The following PDSS2 variants were observed in gnomAD, a reference collection of about 807,000 sequenced individuals.
The protein encoded by PDSS2 is all trans-polyprenyl-diphosphate synthase PDSS2.
Under a neutral mutation model 44.5 loss-of-function variants are expected in PDSS2, and 31 were observed. The ratio of observed to expected loss-of-function variants is 0.70; its 90% CI spans 0.52 to 0.94. PDSS2 has a LOEUF of 0.94. PDSS2 is among the 40% of genes least tolerant of loss of function. PDSS2 has a pLI of 0.00. For missense variants in PDSS2, 452 were observed against 482.2 expected, an observed-to-expected ratio of 0.94 and a Z score of 0.59; for synonymous variants, 157 against 180.3, an observed-to-expected ratio of 0.87 and a Z score of 1.03.
intron 7 of PDSS2, among the ~76,000 whole-genome samples, chr6:107,193,001 G>C (rs548943521): frequency 1.3e-5 from 2 of 152,226 alleles, no homozygotes; most frequent in South Asian, 2.1e-4. Context: ...TCACATCCTG[G>C]ATATTCCTGA....
intron 6 of PDSS2, among the ~76,000 whole-genome samples, chr6:107,207,978 G>T (rs376103833): frequency 4.1e-3 from 276 of 67,478 alleles, no homozygotes; most frequent in African/African-American, 0.012. Flanking sequence ...TCTATGACTT[G>T]TTTTTTTTTT....
intron 1 of PDSS2, among the ~76,000 whole-genome samples, chr6:107,452,947 G>A (rs750531432): frequency 3.0e-4 from 46 of 152,176 alleles, no homozygotes; most frequent in Non-Finnish European, 5.7e-4. Flanking sequence ...TTACAGGCGT[G>A]AGCCACCACG....
rs1777381508 is a variant in PDSS2, at chr6:107,321,526, A to G, written c.431+12672T>C. 2.6e-5 allele frequency among the ~76,000 whole-genome samples: 4 copies of G among 152,186 alleles called. No homozygotes were observed. The South Asian group carries it at 8.3e-4, about 32-fold the overall frequency. ...GCTTTTCCCGGAGTGTCCAAATCCT[A>G]TATGTTCATGAGCAGATATGCCTAA... is the stretch of plus-strand genomic sequence containing the variant. On this transcript the variant is annotated intron_variant, in intron 2 of 7. Coordinates refer to ENST00000369037, the MANE Select transcript of PDSS2 (RefSeq NM_020381.4).
intron 4 of PDSS2, among the ~76,000 whole-genome samples, chr6:107,232,833 GTTTC>G (rs1345671924): frequency 1.3e-5 from 2 of 151,610 alleles, no homozygotes; most frequent in Non-Finnish European, 1.5e-5. Flanking sequence ...AACTTCAATA[GTTTC>G]TTTCTTTCTT....
chr6:107,285,769 T>C (rs995694835), intron 2 of PDSS2, among the ~76,000 whole-genome samples: 3 of 152,174 alleles, frequency 2.0e-5, no homozygotes, highest in African/African-American at 7.2e-5. Flanking sequence ...ACTATAAATT[T>C]AGGAAAACAT....
chr6:107,250,183 C>T (rs534323499), intron 3 of PDSS2, among the ~76,000 whole-genome samples: 2 of 150,898 alleles, frequency 1.3e-5, no homozygotes, highest in East Asian at 1.9e-4. Context: ...AATACTGACC[C>T]CCCCCCGCAA....
intron 2 of PDSS2, among the ~76,000 whole-genome samples, chr6:107,297,429 C>G (rs933810647): frequency 1.1e-4 from 17 of 151,196 alleles, no homozygotes; most frequent in African/African-American, 3.9e-4. Context: ...GCCACCCAGG[C>G]TGGAGTGCAG....
At chr6:107,389,944 A>C (rs950854707) in intron 1 of PDSS2, among the ~76,000 whole-genome samples, 1 of 152,160 alleles carries the variant, frequency 6.6e-6, no homozygotes, top group African/African-American at 2.4e-5. Flanking sequence ...TGTTCAACAA[A>C]AGGATGGGGT....
At chr6:107,382,776 A>G (rs1779493041) in intron 1 of PDSS2, among the ~76,000 whole-genome samples, 1 of 152,088 alleles carries the variant, frequency 6.6e-6, no homozygotes, top group Non-Finnish European at 1.5e-5. Flanking sequence ...TGTCGAGGCT[A>G]CAGTGAGCCA....
At chr6:107,177,431 G>A (rs767759067) in intron 7 of PDSS2, among the ~76,000 whole-genome samples, 11 of 152,158 alleles carry the variant, frequency 7.2e-5, no homozygotes, top group South Asian at 4.2e-4. Context: ...GCCACCATGC[G>A]CAGCCTGTAA....
chr6:107,312,670 CTA>C (rs1359733141), intron 2 of PDSS2, among the ~76,000 whole-genome samples: 1 of 152,118 alleles, frequency 6.6e-6, no homozygotes, highest in Non-Finnish European at 1.5e-5. Flanking sequence ...GATTAAAAAT[CTA>C]TGCTTCATGG....
chr6:107,445,703 TGACGAC>T (rs1781649379), intron 1 of PDSS2, among the ~76,000 whole-genome samples: 1 of 152,220 alleles, frequency 6.6e-6, no homozygotes, highest in Non-Finnish European at 1.5e-5. Context: ...GCTTGAGAAC[TGACGAC>T]GGCTTCCTTA....
chr6:107,371,968 C>T (rs374101694), intron 1 of PDSS2, among the ~76,000 whole-genome samples: 1 of 152,154 alleles, frequency 6.6e-6, no homozygotes. Context: ...AGTTAAGTAA[C>T]TTACTTATAG....
intron 4 of PDSS2, among the ~76,000 whole-genome samples, chr6:107,229,188 T>C (rs1773946252): frequency 6.6e-6 from 1 of 151,970 alleles, no homozygotes; most frequent in Admixed American, 6.5e-5. Flanking sequence ...CCTATTTCTG[T>C]TTGTTTTTAG....
intron 4 of PDSS2, among the ~76,000 whole-genome samples, chr6:107,220,624 A>G (rs1773570650): frequency 6.6e-6 from 1 of 152,130 alleles, no homozygotes; most frequent in African/African-American, 2.4e-5. Context: ...CATATTTCTT[A>G]CTGTGATTAA....
At chr6:107,287,856 G>T (rs1485094089) in intron 2 of PDSS2, among the ~76,000 whole-genome samples, 1 of 151,952 alleles carries the variant, frequency 6.6e-6, no homozygotes, top group Non-Finnish European at 1.5e-5. Flanking sequence ...AGAGATGGGT[G>T]AGGTGGCGTG....
chr6:107,345,382 A>G (rs1778210449), intron 1 of PDSS2, among the ~76,000 whole-genome samples: 1 of 150,160 alleles, frequency 6.7e-6, no homozygotes, highest in Non-Finnish European at 1.5e-5. Flanking sequence ...GTAAGTAATC[A>G]ATATTTAGTG....
intron 2 of PDSS2, among the ~76,000 whole-genome samples, chr6:107,304,718 A>G (rs1776802784): frequency 6.6e-6 from 1 of 152,242 alleles, no homozygotes; most frequent in Admixed American, 6.5e-5. Flanking sequence ...TACTGATTTT[A>G]AACCAACTCA....
At position 107,319,220 on chromosome 6, in the gene PDSS2, C is replaced by T. The variant is rs185986545; in HGVS notation, c.431+14978G>A. Reference sequence around the variant, plus strand: ...ATATTTAAATATAAATGTTTCTTCTCTTATACCTTCAGGGAGTGTAAACCA... The same window carrying T: ...ATATTTAAATATAAATGTTTCTTCTTTTATACCTTCAGGGAGTGTAAACCA... On this transcript the variant is annotated intron_variant, in intron 2 of 7. Transcript: ENST00000369037. Among the ~76,000 whole-genome samples, 9 of 152,242 alleles carry T rather than the reference C, an allele frequency of 5.9e-5. No homozygotes were observed. The East Asian group carries it at 1.5e-3, about 26-fold the overall frequency.
Sources: gnomAD v4.1 joint callset for allele counts (sites outside exome capture counted in the v4.1 genomes callset) on GRCh38, gnomAD v4.1.1 for gene constraint, MANE v1.5 for transcripts, NCBI Gene and HGNC (gene_info 2026-07-23, HGNC 2026-07-21) for gene names.